FICD: variants seen among roughly 807,000 people sequenced by gnomAD.
FICD encodes FIC domain protein adenylyltransferase.
FICD carries 13 observed loss-of-function variants against 28.0 expected under a neutral mutation model. The observed-to-expected ratio is 0.46, with a 90% CI of 0.30 to 0.74. FICD has a LOEUF of 0.74. FICD is among the 30% of genes least tolerant of loss of function. The pLI, the probability that FICD is intolerant of heterozygous loss-of-function variation, is 0.07. For synonymous variants in FICD, 268 were observed against 266.4 expected (o/e 1.01, Z -0.06); for missense variants, 576 against 624.5 (o/e 0.92, Z 0.83).
chr12:108,517,981 C>T (rs999569242), intron 2 of FICD: 2 of 630,848 alleles, frequency 3.2e-6, no homozygotes, highest in Non-Finnish European at 5.7e-6. Context: ...TTTGGGCCTC[C>T]CGGGGCAGGA....
chr12:108,515,390 G>T (rs115668165), intron 1 of FICD, 29 bp downstream of exon 1: 2,077 of 152,474 alleles, frequency 0.014, 46 homozygotes, highest in African/African-American at 0.045. Context: ...CTAGGGGCTC[G>T]AGAGGATGAA....
chr12:108,517,179 G>C lies in FICD; in HGVS notation c.207G>C (p.Gln69His). The change falls in exon 2 of 3, where the codon CAG becomes CAC. Residue 69 changes from glutamine (Q) to histidine (H), a missense_variant. By Grantham distance (24) the Gln-to-His change is conservative. Coordinates refer to ENST00000552695, the MANE Select transcript of FICD (RefSeq NM_007076.3). ...YLLRSKPDRA[Q>H]HAATKCTSPS... is the part of the protein sequence containing the mutation. Reference sequence around the variant, plus strand: ...TCAGGAGCAAACCGGACAGGGCGCAGCATGCCGCCACCAAGTGCACCAGCC... The same window carrying C: ...TCAGGAGCAAACCGGACAGGGCGCACCATGCCGCCACCAAGTGCACCAGCC... 4 of 1,597,700 alleles carry C rather than the reference G, an allele frequency of 2.5e-6. No homozygotes were observed. The highest frequency in any genetic ancestry group is 3.4e-6 in the Non-Finnish European group (4 of 1,171,312).
Position 108,517,200 on chromosome 12 carries a change from C to T in FICD, c.228C>T (p.Thr76=). The change falls in exon 2 of 3, where the codon ACC becomes ACT. Residue 76 remains threonine (T), a synonymous_variant. Coordinates refer to ENST00000552695, the MANE Select transcript of FICD (RefSeq NM_007076.3). ...DRAQHAATKC[T]SPSTELSITS... ...CGCAGCATGCCGCCACCAAGTGCAC[C>T]AGCCCGTCCACGGAGCTCAGCATCA... 1.9e-6 allele frequency: 3 copies of T among 1,588,340 alleles called. No individual in the cohort carries two copies. The highest frequency in any genetic ancestry group is 2.6e-6 in the Non-Finnish European group (3 of 1,167,024).
Position 108,518,830 on chromosome 12 carries a change from G to A in FICD, c.732G>A (p.Arg244=), listed in dbSNP as rs774932592. The part of the protein sequence containing the change: ...EGNTLTLSEI[R]HILETRYAVP... ...ACACCCTCACCCTCTCGGAAATCAGGCACATCCTGGAGACCCGCTACGCCG... is the reference window on the plus strand; with the variant it reads ...ACACCCTCACCCTCTCGGAAATCAGACACATCCTGGAGACCCGCTACGCCG... Residue 244 remains arginine (R), a synonymous_variant, in exon 3 of 3, where the codon AGG becomes AGA. Coordinates refer to ENST00000552695, the MANE Select transcript of FICD (RefSeq NM_007076.3). The surrounding 1 kb of genome is among the most constrained non-coding windows in gnomAD (Gnocchi z 4.4). 1.9e-6 allele frequency: 3 copies of A among 1,614,126 alleles called. No homozygotes were observed. Among genetic ancestry groups the A allele is most frequent in the Non-Finnish European group, 8.5e-7 (1 of 1,180,022 alleles).
chr12:108,515,871 G>A (rs1350677759), intron 1 of FICD, among the ~76,000 whole-genome samples: 1 of 152,144 alleles, frequency 6.6e-6, no homozygotes, highest in African/African-American at 2.4e-5. Flanking sequence ...AGAGGCCCTG[G>A]GGTTTCCTTC....
chr12:108,519,533 G>T lies in FICD; in HGVS notation c.*58G>T. 1 of 1,118,990 alleles carries T rather than the reference G, an allele frequency of 8.9e-7. No individual in the cohort carries two copies. 69.3% of individuals were successfully genotyped at this position (1,118,990 alleles called of 1,614,324 possible). ...GAGGTAGGAAAAAAAAAAAGAAACAGCATTTCTAGAAACCTAGTCACTTCC... is the reference window on the plus strand; with the variant it reads ...GAGGTAGGAAAAAAAAAAAGAAACATCATTTCTAGAAACCTAGTCACTTCC... On this transcript the variant is annotated 3_prime_UTR_variant, in exon 3 of 3. Coordinates refer to ENST00000552695, the MANE Select transcript of FICD (RefSeq NM_007076.3). The surrounding 1 kb of genome is among the most constrained non-coding windows in gnomAD (Gnocchi z 4.5).
rs1448047312 is a variant in FICD, at chr12:108,520,161, T to C, written c.*686T>C. The C allele has an allele frequency of 2.0e-5, 3 of 150,280 alleles. No homozygotes were observed. The allele number at this position is 150,280 out of a possible 1,614,324, so 9.3% of individuals were successfully genotyped here. A position where few individuals can be genotyped will look rare whatever the true frequency, so the allele number is the denominator to read the frequency against. ...TAGGGGGTAGCCATAAAGAGCTGTA[T>C]GTTGGAGGGGGAAACATGGTGGGCG... On this transcript the variant is annotated 3_prime_UTR_variant, in exon 3 of 3. Transcript: ENST00000552695.
chr12:108,520,963 C>T lies in FICD; in HGVS notation c.*1488C>T, dbSNP rs1872097886. On this transcript the variant is annotated 3_prime_UTR_variant, in exon 3 of 3. Transcript: ENST00000552695. ...AGGTTAAGAAAAATAAGTGAAAAGA[C>T]ATACACGATATATGAAATGGCTCCA... is the stretch of plus-strand genomic sequence containing the variant. The T allele has an allele frequency of 6.6e-6, 1 of 152,198 alleles. No individual in the cohort carries two copies. Among genetic ancestry groups the T allele is most frequent in the African/African-American group, 2.4e-5 (1 of 41,454 alleles). The allele number at this position is 152,198 out of a possible 1,614,324, so 9.4% of individuals were successfully genotyped here.
In FICD at chr12:108,516,979, C is replaced by T. The variant is rs76973043; in HGVS notation, c.7C>T (p.Leu3Phe). Residue 3 changes from leucine to phenylalanine, a missense_variant, in exon 2 of 3, where the codon CTC becomes TTC. Physicochemically the swap from Leu to Phe is conservative, Grantham distance 22. Transcript: ENST00000552695. ...GGCCCTCTCCTGAGTCCAGATGATG[C>T]TCATACCAATGGCTTCAGTGATGGC... MMLIPMASVMAVT... is the reference protein window; with the variant it reads MMFIPMASVMAVT... 4,302 of 1,503,896 alleles carry T rather than the reference C, an allele frequency of 2.9e-3. 79 individuals are homozygous for T. In the African/African-American group the frequency reaches 0.046, roughly 16 times the overall value. 93.2% of individuals were successfully genotyped at this position (1,503,896 alleles called of 1,614,324 possible).
intron 1 of FICD, among the ~76,000 whole-genome samples, chr12:108,516,486 A>G (rs114986137): frequency 1.5e-4 from 23 of 152,316 alleles, no homozygotes; most frequent in African/African-American, 5.1e-4. Context: ...GACACTTTAG[A>G]GCCGTGGGGT....
In FICD at chr12:108,518,186, C is replaced by T. The variant is rs780434065; in HGVS notation, c.302-214C>T. 604 of 703,052 alleles carry T rather than the reference C, an allele frequency of 8.6e-4. No individual in the cohort carries two copies. The highest frequency in any genetic ancestry group is 2.3e-3 in the Middle Eastern group (10 of 4,366). 43.6% of individuals were successfully genotyped at this position (703,052 alleles called of 1,614,324 possible). Reference sequence around the variant, plus strand: ...ACAAGAGAGTGGCTCTGGGGACACACGGATAGTGACTGCATACCACCACAC... The same window carrying T: ...ACAAGAGAGTGGCTCTGGGGACACATGGATAGTGACTGCATACCACCACAC... On this transcript the variant is annotated intron_variant, in intron 2 of 2. Transcript: ENST00000552695. The surrounding 1 kb of genome is among the most constrained non-coding windows in gnomAD (Gnocchi z 4.4).
At position 108,520,993 on chromosome 12, in the gene FICD, A is replaced by G. The variant is rs1025807405; in HGVS notation, c.*1518A>G. The stretch of plus-strand genomic sequence containing the variant: ...ACGATATATGAAATGGCTCCAAATG[A>G]TAATTGTTCAAACCTTTATAAAATG... On this transcript the variant is annotated 3_prime_UTR_variant, in exon 3 of 3. Coordinates refer to ENST00000552695, the MANE Select transcript of FICD (RefSeq NM_007076.3). 7 of 152,212 alleles carry G rather than the reference A, an allele frequency of 4.6e-5. No individual in the cohort carries two copies. Among genetic ancestry groups the G allele is most frequent in the African/African-American group, 1.7e-4 (7 of 41,450 alleles). 9.4% of individuals were successfully genotyped at this position (152,212 alleles called of 1,614,324 possible).
In FICD at chr12:108,518,451, G is replaced by A. The variant is rs150847777; in HGVS notation, c.353G>A (p.Arg118His). 21 of 1,613,994 alleles carry A rather than the reference G, an allele frequency of 1.3e-5. No individual in the cohort carries two copies. Among genetic ancestry groups the A allele is most frequent in the Admixed American group, 3.3e-5 (2 of 59,992 alleles). Residue 118 changes from arginine to histidine, a missense_variant, in exon 3 of 3, where the codon CGC becomes CAC. Coordinates refer to ENST00000552695, the MANE Select transcript of FICD (RefSeq NM_007076.3). The surrounding 1 kb of genome is among the most constrained non-coding windows in gnomAD (Gnocchi z 4.4). ...CTGAACCAGGCCCTGGAGATGAAGC[G>A]CCAGGGCAAGCGGGAAAAAGCCCAA... is the stretch of plus-strand genomic sequence containing the variant. ...AALNQALEMK[R>H]QGKREKAQKL...
At position 108,517,004 on chromosome 12, in the gene FICD, C is replaced by G; in HGVS notation, c.32C>G (p.Ala11Gly). Reference sequence around the variant, plus strand: ...CTCATACCAATGGCTTCAGTGATGGCGGTGACTGAACCGAAATGGGTCTCG... The same window carrying G: ...CTCATACCAATGGCTTCAGTGATGGGGGTGACTGAACCGAAATGGGTCTCG... MMLIPMASVM[A>G]VTEPKWVSVW... The change falls in exon 2 of 3, where the codon GCG becomes GGG. Residue 11 changes from alanine (A) to glycine (G), a missense_variant. By Grantham distance (60) the Ala-to-Gly change is moderately conservative (BLOSUM62 0). Coordinates refer to ENST00000552695, the MANE Select transcript of FICD (RefSeq NM_007076.3). 6.5e-7 allele frequency: 1 copy of G among 1,542,494 alleles called. No homozygotes were observed. Among genetic ancestry groups the G allele is most frequent in the South Asian group, 1.2e-5 (1 of 81,726 alleles).
chr12:108,517,930 ACGCCCCCAGGGT>A lies in FICD; in HGVS notation c.302-468_302-457del, dbSNP rs1871959630. ...TTAAAGAACAGTCCCGGGATGGTTG[ACGCCCCCAGGGT>A]CTAGGAAGAGTGGGGAGTTGTTAAC... On this transcript the variant is annotated intron_variant, in intron 2 of 2. Coordinates refer to ENST00000552695, the MANE Select transcript of FICD (RefSeq NM_007076.3). 1.2e-4 allele frequency among the ~76,000 whole-genome samples: 18 copies of A among 152,172 alleles called. No homozygotes were observed. In the South Asian group the frequency reaches 2.3e-3, roughly 19 times the overall value.
chr12:108,517,412 C>T (rs1213952075), intron 2 of FICD, 139 bp downstream of exon 2: 2 of 625,806 alleles, frequency 3.2e-6, no homozygotes, highest in Non-Finnish European at 4.9e-6. Context: ...GGTGATGTGA[C>T]TGAGACAGTG....
At position 108,519,524 on chromosome 12, in the gene FICD, A is replaced by G. The variant is rs780637834; in HGVS notation, c.*49A>G. 1 of 1,226,112 alleles carries G rather than the reference A, an allele frequency of 8.2e-7. No homozygotes were observed. The highest frequency in any genetic ancestry group is 1.5e-5 in the African/African-American group (1 of 65,814). 76.0% of individuals were successfully genotyped at this position (1,226,112 alleles called of 1,614,324 possible). A position where few individuals can be genotyped will look rare whatever the true frequency, so the allele number is the denominator to read the frequency against. The stretch of plus-strand genomic sequence containing the variant: ...GGCTGTCCTGAGGTAGGAAAAAAAA[A>G]AAGAAACAGCATTTCTAGAAACCTA... On this transcript the variant is annotated 3_prime_UTR_variant, in exon 3 of 3. Transcript: ENST00000552695. This position sits in a 1 kb window ranked among gnomAD's most constrained non-coding sequence, Gnocchi z 4.5.
Position 108,518,866 on chromosome 12 carries a change from G to T in FICD, c.768G>T (p.Lys256Asn), listed in dbSNP as rs1362853665. The T allele has an allele frequency of 1.2e-6, 2 of 1,614,090 alleles. No individual in the cohort carries two copies. Among genetic ancestry groups the T allele is most frequent in the Non-Finnish European group, 1.7e-6 (2 of 1,180,052 alleles). ...ILETRYAVPG[K>N]SLEEQNEVIG... ...AGACCCGCTACGCCGTGCCCGGGAA[G>T]AGCCTGGAGGAGCAGAACGAGGTCA... The change falls in exon 3 of 3, where the codon AAG becomes AAT. Residue 256 changes from lysine to asparagine, a missense_variant. Coordinates refer to ENST00000552695, the MANE Select transcript of FICD (RefSeq NM_007076.3). The surrounding 1 kb of genome is among the most constrained non-coding windows in gnomAD (Gnocchi z 4.4).
intron 2 of FICD, 193 bp downstream of exon 2, chr12:108,517,466 T>C (rs1450973292): frequency 2.2e-6 from 1 of 454,740 alleles, no homozygotes; most frequent in Non-Finnish European, 3.7e-6. Context: ...TGTAGGAGCA[T>C]ACCAGGAAGG....
Sources: gnomAD v4.1 joint callset for allele counts (sites outside exome capture counted in the v4.1 genomes callset) on GRCh38, gnomAD v4.1.1 for gene constraint, Gnocchi (gnomAD v3.1) non-coding constraint, MANE v1.5 for transcripts, NCBI Gene and HGNC (gene_info 2026-07-23, HGNC 2026-07-21) for gene names.